TXK: variants seen among roughly 807,000 people sequenced by gnomAD.
TXK encodes the protein tyrosine-protein kinase TXK.
In TXK, 60 loss-of-function variants were observed where a neutral mutation model predicts 81.0. The observed-to-expected ratio is 0.74, with a 90% CI of 0.60 to 0.92. The LOEUF (loss-of-function observed/expected upper bound fraction) is 0.92, where lower values mean the gene tolerates loss of function less well. TXK is among the 40% of genes least tolerant of loss of function. The pLI is 0.00. For missense variants in TXK, 581 were observed against 638.3 expected, an observed-to-expected ratio of 0.91 and a Z score of 0.97; for synonymous variants, 203 against 210.7, an observed-to-expected ratio of 0.96 and a Z score of 0.32.
At chr4:48,093,371 T>G (rs1422949867) in intron 8 of TXK, among the ~76,000 whole-genome samples, 2 of 152,232 alleles carry the variant, frequency 1.3e-5, no homozygotes, top group Non-Finnish European at 2.9e-5. Context: ...AAAGTTACCG[T>G]GGATTCTGAA....
intron 1 of TXK, among the ~76,000 whole-genome samples, chr4:48,117,382 G>A (rs1718842299): frequency 1.3e-5 from 2 of 152,166 alleles, no homozygotes; most frequent in African/African-American, 4.8e-5. Flanking sequence ...AAGAAATAAA[G>A]CTAATGCATT....
Position 48,114,279 on chromosome 4 carries a change from T to C in TXK, c.71+69A>G, listed in dbSNP as rs1718731517. ...GAACAGCGGGTGCAAAGAGACATGG[T>C]GACTCCACAGGTAATAAAGAAACGG... On this transcript the variant is annotated intron_variant, in intron 2 of 14. Coordinates refer to ENST00000264316, the MANE Select transcript of TXK (RefSeq NM_003328.3). The C allele has an allele frequency of 2.0e-6, 3 of 1,506,370 alleles. No individual in the cohort carries two copies. In the South Asian group the frequency reaches 3.4e-5, roughly 17 times the overall value. The allele number at this position is 1,506,370 out of a possible 1,614,324, so 93.3% of individuals were successfully genotyped here. A position where few individuals can be genotyped will look rare whatever the true frequency, so the allele number is the denominator to read the frequency against.
chr4:48,088,516 C>T, intron 9 of TXK, among the ~76,000 whole-genome samples: 1 of 152,106 alleles, frequency 6.6e-6, no homozygotes, highest in African/African-American at 2.4e-5. Flanking sequence ...CCACCCAGGA[C>T]CATGGATGAA....
intron 5 of TXK, among the ~76,000 whole-genome samples, chr4:48,107,192 T>C (rs1406332369): frequency 6.6e-6 from 1 of 151,526 alleles, no homozygotes; most frequent in Non-Finnish European, 1.5e-5. Context: ...TGTTCTTACT[T>C]CTTTAGATTT....
chr4:48,091,985 TC>T (rs1397751067), intron 8 of TXK, among the ~76,000 whole-genome samples: 2 of 152,154 alleles, frequency 1.3e-5, no homozygotes, highest in African/African-American at 4.8e-5. Flanking sequence ...GGATATGAAA[TC>T]AATTGCATTT....
chr4:48,133,829 T>G (rs1281912261), intron 1 of TXK, among the ~76,000 whole-genome samples: 1 of 152,226 alleles, frequency 6.6e-6, no homozygotes, highest in East Asian at 1.9e-4. Context: ...CTTGGTCTCC[T>G]GGCCTTCAGC....
chr4:48,075,762 G>A (rs980065884), intron 12 of TXK, among the ~76,000 whole-genome samples: 2 of 152,122 alleles, frequency 1.3e-5, no homozygotes, highest in African/African-American at 4.8e-5. Context: ...TGGCTGCAAT[G>A]ATGCCATGCA....
chr4:48,095,359 T>C (rs1717942399), intron 6 of TXK, 137 bp from the exon 7 acceptor site: 2 of 634,432 alleles, frequency 3.2e-6, no homozygotes, highest in African/African-American at 1.8e-5. Context: ...AAGAATTAGA[T>C]TGTCTTTACA....
chr4:48,110,088 C>G (rs115245008), intron 5 of TXK, among the ~76,000 whole-genome samples: 1 of 152,150 alleles, frequency 6.6e-6, no homozygotes, highest in Non-Finnish European at 1.5e-5. Flanking sequence ...AGATTTCAGG[C>G]GGAACTCTAG....
chr4:48,098,695 C>T (rs939084633), intron 6 of TXK, among the ~76,000 whole-genome samples: 4 of 148,692 alleles, frequency 2.7e-5, no homozygotes, highest in African/African-American at 9.7e-5. Flanking sequence ...GACGCAGTGG[C>T]TCATGCCTGT....
chr4:48,115,927 C>G (rs749131005), intron 1 of TXK, among the ~76,000 whole-genome samples: 2 of 152,132 alleles, frequency 1.3e-5, no homozygotes, highest in African/African-American at 4.8e-5. Flanking sequence ...TCCCCATCAG[C>G]TCATACTCAT....
At chr4:48,078,850 C>T (rs1160199576) in intron 11 of TXK, among the ~76,000 whole-genome samples, 1 of 152,116 alleles carries the variant, frequency 6.6e-6, no homozygotes, top group Admixed American at 6.5e-5. Context: ...TGTTGTATCT[C>T]CAGTGCTTAG....
At chr4:48,095,886 A>C (rs1043532239) in intron 6 of TXK, among the ~76,000 whole-genome samples, 1 of 152,250 alleles carries the variant, frequency 6.6e-6, no homozygotes, top group Admixed American at 6.5e-5. Context: ...CTTTCAAAGA[A>C]TCTTGAATGT....
chr4:48,081,721 A>C (rs1029421173), intron 10 of TXK, among the ~76,000 whole-genome samples: 24 of 152,146 alleles, frequency 1.6e-4, no homozygotes, highest in African/African-American at 5.8e-4. Context: ...TTTTTCCTGA[A>C]CCCCAGACTC....
At chr4:48,097,151 A>C (rs1368849906) in intron 6 of TXK, among the ~76,000 whole-genome samples, 4 of 152,126 alleles carry the variant, frequency 2.6e-5, no homozygotes, top group African/African-American at 9.6e-5. Flanking sequence ...CTGGTTGCTT[A>C]GGGAAAAATA....
intron 8 of TXK, among the ~76,000 whole-genome samples, chr4:48,091,510 C>CA (rs1717773522): frequency 6.9e-6 from 1 of 145,036 alleles, no homozygotes; most frequent in Non-Finnish European, 1.5e-5. Context: ...TTTTTCTTTT[C>CA]TTTTTTTTTT....
intron 8 of TXK, 98 bp downstream of exon 8, chr4:48,093,979 T>C (rs2109433715): frequency 6.9e-7 from 1 of 1,454,794 alleles, no homozygotes; most frequent in Non-Finnish European, 9.6e-7. Flanking sequence ...ACTATTTCTA[T>C]AGGGAGATTT....
intron 10 of TXK, among the ~76,000 whole-genome samples, chr4:48,084,318 T>A (rs920051388): frequency 2.6e-5 from 4 of 151,956 alleles, no homozygotes; most frequent in Non-Finnish European, 1.5e-5. Context: ...GGTTTCAAAC[T>A]CCTAGGCTCA....
chr4:48,098,556 T>C (rs1028161868), intron 6 of TXK, among the ~76,000 whole-genome samples: 2 of 151,904 alleles, frequency 1.3e-5, no homozygotes, highest in Non-Finnish European at 2.9e-5. Flanking sequence ...TATCAATTTT[T>C]AAAAATTCTC....
Sources: allele counts gnomAD v4.1 joint callset (sites outside exome capture counted in the v4.1 genomes callset), GRCh38; gene constraint gnomAD v4.1.1; transcripts MANE v1.5; gene names NCBI Gene and HGNC (gene_info 2026-07-23, HGNC 2026-07-21).